The following SASH1 variants were observed in gnomAD, a reference collection of about 807,000 sequenced individuals.
The protein encoded by SASH1 is SAM and SH3 domain-containing protein 1.
Under a neutral mutation model 125.2 loss-of-function variants are expected in SASH1, and 44 were observed. The ratio of observed to expected loss-of-function variants is 0.35; its 90% CI spans 0.28 to 0.45. The LOEUF (loss-of-function observed/expected upper bound fraction) is 0.45. Among genes scored for constraint, SASH1 ranks in the 20% least tolerant of loss-of-function variants. SASH1 has a pLI of 1.00. For missense variants in SASH1, 1,426 were observed against 1,614.5 expected (o/e 0.88, Z 2.00); for synonymous variants, 639 against 649.1 (o/e 0.98, Z 0.24).
chr6:148,304,693 C>G (rs1780075486), intron 1 of SASH1, among the ~76,000 whole-genome samples: 2 of 152,252 alleles, frequency 1.3e-5, no homozygotes, highest in South Asian at 4.1e-4. Flanking sequence ...AAAGACCTAG[C>G]ATTAAAATTT....
At chr6:148,241,231 G>A in the SASH1 span, among the ~76,000 whole-genome samples, 2 of 152,200 alleles carry the variant, frequency 1.3e-5, no homozygotes, top group African/African-American at 4.8e-5. Context: ...AGTTGGAAGA[G>A]GCTGGAAATA....
intron 1 of SASH1, among the ~76,000 whole-genome samples, chr6:148,302,762 C>CTG (rs146784413): frequency 0.46 from 62,997 of 136,402 alleles, 13,943 homozygotes; most frequent in African/African-American, 0.54. Flanking sequence ...TATTTATATA[C>CTG]TGTGTGTGTG....
chr6:148,346,379 A>C (rs1354335649), intron 1 of SASH1, among the ~76,000 whole-genome samples: 1 of 152,222 alleles, frequency 6.6e-6, no homozygotes, highest in African/African-American at 2.4e-5. Flanking sequence ...TTTAGAAAAG[A>C]AATAATAGTA....
chr6:148,236,515 C>T, the SASH1 span, among the ~76,000 whole-genome samples: 2 of 152,032 alleles, frequency 1.3e-5, no homozygotes, highest in Admixed American at 1.3e-4. Context: ...CCCGGCCTCA[C>T]ACAGTTTATT....
intron 4 of SASH1, among the ~76,000 whole-genome samples, chr6:148,448,388 T>C (rs1300175364): frequency 6.6e-6 from 1 of 152,156 alleles, no homozygotes; most frequent in Admixed American, 6.5e-5. Flanking sequence ...GAAGCCTGGC[T>C]CCTGTCTTCA....
chr6:148,459,562 G>A (rs183570538), intron 4 of SASH1, among the ~76,000 whole-genome samples: 32 of 152,324 alleles, frequency 2.1e-4, no homozygotes, highest in African/African-American at 6.3e-4. Flanking sequence ...GTCAACAGGA[G>A]TGGGATCTGT....
intron 1 of SASH1, among the ~76,000 whole-genome samples, chr6:148,283,913 TATC>T (rs1562305406): frequency 6.9e-6 from 1 of 144,920 alleles, no homozygotes; most frequent in Admixed American, 7.0e-5. Flanking sequence ...TAGGGGGAAA[TATC>T]ATATCTATGT....
chr6:148,271,769 C>T (rs1324115450), upstream of SASH1, among the ~76,000 whole-genome samples: 1 of 152,148 alleles, frequency 6.6e-6, no homozygotes, highest in Non-Finnish European at 1.5e-5. Flanking sequence ...GAACATTAAA[C>T]TTACCGTGTT....
intron 1 of SASH1, among the ~76,000 whole-genome samples, chr6:148,285,517 T>G (rs1345109576): frequency 1.3e-5 from 2 of 152,180 alleles, no homozygotes; most frequent in East Asian, 3.8e-4. Flanking sequence ...TGTCCAGTAT[T>G]GATGCTGCCC....
chr6:148,412,379 G>C lies in SASH1; in HGVS notation c.285+22117G>C, dbSNP rs1784663891. The stretch of plus-strand genomic sequence containing the variant: ...GAGAATAATTATTTAATAAATTATA[G>C]TTACACCTACAGCATCCATGAATGA... On this transcript the variant is annotated intron_variant, in intron 2 of 19. Transcript: ENST00000367467. Among the ~76,000 whole-genome samples the C allele has an allele frequency of 2.0e-5, 3 of 152,198 alleles. No homozygotes were observed. The South Asian group carries it at 6.2e-4, about 32-fold the overall frequency.
chr6:148,264,211 G>A, the SASH1 span, among the ~76,000 whole-genome samples: 5 of 148,084 alleles, frequency 3.4e-5, no homozygotes, highest in African/African-American at 5.0e-5. Flanking sequence ...CTTGTGAAAT[G>A]CATTCCTGTC....
chr6:148,381,891 C>T (rs1783155323), intron 1 of SASH1, among the ~76,000 whole-genome samples: 2 of 152,188 alleles, frequency 1.3e-5, no homozygotes, highest in Middle Eastern at 3.4e-3. Flanking sequence ...CCACCTCTGC[C>T]TCCCCAAAGT....
At chr6:148,264,651 A>G in the SASH1 span, among the ~76,000 whole-genome samples, 1 of 152,304 alleles carries the variant, frequency 6.6e-6, no homozygotes, top group Non-Finnish European at 1.5e-5. Flanking sequence ...TTTCTCAGCT[A>G]CATCAACCTT....
At chr6:148,325,259 C>CG (rs1264104958) in intron 1 of SASH1, among the ~76,000 whole-genome samples, 7 of 33,364 alleles carry the variant, frequency 2.1e-4, no homozygotes, top group East Asian at 5.0e-3. Flanking sequence ...GGAAAAGCCT[C>CG]TTTTGTTGTT....
intron 8 of SASH1, among the ~76,000 whole-genome samples, chr6:148,501,807 T>G (rs1355925058): frequency 6.6e-6 from 1 of 152,168 alleles, no homozygotes; most frequent in African/African-American, 2.4e-5. Context: ...GTGGGAGGAT[T>G]CACTTTTGTT....
chr6:148,402,245 G>C (rs150281801), intron 2 of SASH1, among the ~76,000 whole-genome samples: 1 of 152,108 alleles, frequency 6.6e-6, no homozygotes, highest in Admixed American at 6.5e-5. Flanking sequence ...AAACTAAAGA[G>C]GAAAAAACAA....
intron 1 of SASH1, among the ~76,000 whole-genome samples, chr6:148,319,184 C>T (rs550080412): frequency 1.3e-5 from 2 of 151,752 alleles, no homozygotes; most frequent in Admixed American, 1.3e-4. Context: ...AGGCGCCCAC[C>T]ACCACGTCCG....
At chr6:148,357,914 G>T (rs1017359632) in intron 1 of SASH1, among the ~76,000 whole-genome samples, 1 of 151,892 alleles carries the variant, frequency 6.6e-6, no homozygotes, top group African/African-American at 2.4e-5. Context: ...ACAAAAATTA[G>T]CCCGGTGTGG....
chr6:148,468,399 T>C, intron 4 of SASH1, 146 bp from the exon 5 acceptor site: 1 of 612,414 alleles, frequency 1.6e-6, no homozygotes, highest in Non-Finnish European at 2.9e-6. Context: ...AGCAGATGGG[T>C]AGAAAAAGCC....
Sources: allele counts gnomAD v4.1 joint callset (sites outside exome capture counted in the v4.1 genomes callset), GRCh38; gene constraint gnomAD v4.1.1; transcripts MANE v1.5; gene names NCBI Gene and HGNC (gene_info 2026-07-23, HGNC 2026-07-21).